Variants in REV1 observed in about 807,000 individuals in gnomAD.
REV1 encodes translesion synthesis protein REV1.
Under a neutral mutation model 137.4 loss-of-function variants are expected in REV1, and 42 were observed. The observed-to-expected ratio is 0.31, with a 90% confidence interval of 0.24 to 0.40. REV1 has a LOEUF of 0.40. REV1 is among the 10% of genes least tolerant of loss of function. The pLI is 1.00. For synonymous variants in REV1, 524 were observed against 519.2 expected (o/e 1.01, Z -0.12); for missense variants, 1,282 against 1,490.1 (o/e 0.86, Z 2.30).
intron 11 of REV1, among the ~76,000 whole-genome samples, chr2:99,420,730 G>A (rs1678549313): frequency 6.6e-6 from 1 of 152,204 alleles, no homozygotes; most frequent in African/African-American, 2.4e-5. Context: ...GAAGAAGAAG[G>A]GTTTTTGGAT....
At chr2:99,417,184 T>C (rs1197836225) in intron 12 of REV1, among the ~76,000 whole-genome samples, 1 of 152,090 alleles carries the variant, frequency 6.6e-6, no homozygotes, top group Non-Finnish European at 1.5e-5. Flanking sequence ...CTGTCACCCA[T>C]GCTGGAGTGC....
intron 11 of REV1, among the ~76,000 whole-genome samples, 160 bp from the exon 12 acceptor site, chr2:99,419,107 T>A (rs970485943): frequency 6.6e-6 from 1 of 152,164 alleles, no homozygotes; most frequent in Admixed American, 6.5e-5. Flanking sequence ...GTATTTAGAT[T>A]ATAACCAACA....
At chr2:99,416,241 G>A (rs1282633140) in intron 12 of REV1, among the ~76,000 whole-genome samples, 1 of 152,196 alleles carries the variant, frequency 6.6e-6, no homozygotes, top group African/African-American at 2.4e-5. Flanking sequence ...AAATATCTTT[G>A]AGAAATTACT....
chr2:99,482,697 T>G (rs1343585481), intron 1 of REV1, among the ~76,000 whole-genome samples: 1 of 152,198 alleles, frequency 6.6e-6, no homozygotes, highest in Non-Finnish European at 1.5e-5. Context: ...TTGCTTCGGC[T>G]GCACATACAC....
At chr2:99,473,646 T>A (rs776135554) in intron 1 of REV1, among the ~76,000 whole-genome samples, 2 of 152,228 alleles carry the variant, frequency 1.3e-5, no homozygotes, top group Non-Finnish European at 1.5e-5. Flanking sequence ...ATGTGTTTTT[T>A]TTACACCTTC....
At chr2:99,425,250 T>C (rs986991796) in intron 9 of REV1, among the ~76,000 whole-genome samples, 6 of 152,074 alleles carry the variant, frequency 3.9e-5, no homozygotes, top group Non-Finnish European at 7.4e-5. Flanking sequence ...ATCCAGACCA[T>C]GAGAGCCAAG....
At chr2:99,475,016 TG>T (rs1353398780) in intron 1 of REV1, among the ~76,000 whole-genome samples, 1 of 152,132 alleles carries the variant, frequency 6.6e-6, no homozygotes, top group Non-Finnish European at 1.5e-5. Flanking sequence ...CCTCCGTATG[TG>T]GAAAGAGTTG....
chr2:99,409,289 TTC>T (rs1369076016), intron 14 of REV1, among the ~76,000 whole-genome samples: 1 of 152,218 alleles, frequency 6.6e-6, no homozygotes, highest in African/African-American at 2.4e-5. Flanking sequence ...ACTTGGGAGT[TTC>T]TCTGTTTAAG....
rs776945135 is a variant in REV1, at chr2:99,402,730, A to T, written c.3455T>A (p.Val1152Glu). 10 of 1,614,186 alleles carry T rather than the reference A, an allele frequency of 6.2e-6. No individual in the cohort carries two copies. In the Admixed American group the frequency reaches 1.5e-4, roughly 24 times the overall value. ...AGCTAGATTGGGTGCTGGAGGTCTC[A>T]CACAGCCAGCTGGGTCAGACTGCAA... ...SSLQSDPAGC[V>E]RPPAPNLAGA... The change falls in exon 21 of 23, where the codon GTG (valine) becomes GAG (glutamate). Residue 1152 changes from valine to glutamate, a missense_variant. This residue lies in a region of REV1 where 170 missense variants were observed against 156.8 expected (regional missense o/e 1.08). Coordinates refer to ENST00000258428, the MANE Select transcript of REV1 (RefSeq NM_016316.4).
chr2:99,455,901 C>T (rs1326634619), intron 3 of REV1, among the ~76,000 whole-genome samples: 2 of 152,146 alleles, frequency 1.3e-5, no homozygotes, highest in Non-Finnish European at 2.9e-5. Context: ...CCTCCACCTG[C>T]TTTTTCACAA....
intron 11 of REV1, among the ~76,000 whole-genome samples, chr2:99,420,824 A>G (rs903053082): frequency 5.9e-5 from 9 of 152,224 alleles, no homozygotes; most frequent in Non-Finnish European, 1.2e-4. Context: ...TATACTGAGT[A>G]TGGCAGGGAC....
intron 1 of REV1, among the ~76,000 whole-genome samples, chr2:99,471,322 A>G (rs1358627868): frequency 5.9e-5 from 9 of 152,244 alleles, no homozygotes; most frequent in Non-Finnish European, 4.4e-5. Flanking sequence ...GAACCTCTTC[A>G]TGACCATTCA....
chr2:99,448,930 GTTGT>G (rs932751836), intron 4 of REV1, among the ~76,000 whole-genome samples: 25 of 152,172 alleles, frequency 1.6e-4, no homozygotes, highest in Admixed American at 6.5e-4. Context: ...AAACGGTAGT[GTTGT>G]TTAAGACATT....
At position 99,435,850 on chromosome 2, in the gene REV1, A is replaced by G; in HGVS notation, c.1305T>C (p.Asn435=). The G allele has an allele frequency of 1.3e-6, 2 of 1,582,580 alleles. No individual in the cohort carries two copies. The highest frequency in any genetic ancestry group is 1.7e-6 in the Non-Finnish European group (2 of 1,153,356). The change falls in exon 7 of 23, where the codon AAT becomes AAC. Residue 435 remains asparagine (N), a synonymous_variant. Transcript: ENST00000258428. Reference sequence around the variant, plus strand: ...AATACAGACCTTTGAGATCTGGTCTATTTCGTATACCCACTGATACAAAGA... The same window carrying G: ...AATACAGACCTTTGAGATCTGGTCTGTTTCGTATACCCACTGATACAAAGA... ...DCFFVSVGIR[N]RPDLKGKPVA...
chr2:99,424,966 G>A (rs1229487179), intron 9 of REV1: 3 of 1,092,944 alleles, frequency 2.7e-6, no homozygotes, highest in African/African-American at 3.3e-5. Context: ...GACATTTGGA[G>A]CATTCACCAC....
At chr2:99,412,259 A>C (rs1226719315) in intron 13 of REV1, among the ~76,000 whole-genome samples, 1 of 48,820 alleles carries the variant, frequency 2.0e-5, no homozygotes. Context: ...CTCCATCTCA[A>C]AAAAAAAAAA....
rs565143481 is a variant in REV1 at position 99,429,968 on chromosome 2, T to G, written c.1439-20A>C. 1.4e-6 allele frequency: 2 copies of G among 1,422,298 alleles called. No individual in the cohort carries two copies. The highest frequency in any genetic ancestry group is 9.6e-7 in the Non-Finnish European group (1 of 1,036,592). The allele number at this position is 1,422,298 out of a possible 1,614,324, so 88.1% of individuals were successfully genotyped here. A position where few individuals can be genotyped will look rare whatever the true frequency, so the allele number is the denominator to read the frequency against. On this transcript the variant is annotated intron_variant, in intron 8 of 22. Transcript: ENST00000258428. The stretch of plus-strand genomic sequence containing the variant: ...TATCTGCTTTAAAAATAAAAAAAAA[T>G]TAATGGTTATATGTTATAAACTGAT...
chr2:99,401,097 T>A lies in REV1; in HGVS notation c.*144A>T, dbSNP rs1249056908. The A allele has an allele frequency of 2.0e-6, 1 of 500,774 alleles. No homozygotes were observed. The highest frequency in any genetic ancestry group is 3.0e-5 in the East Asian group (1 of 32,920). 31.0% of individuals were successfully genotyped at this position (500,774 alleles called of 1,614,324 possible). ...ATGCAATACTGACAAATTTGGCACTTTTTGAAAAGAAATGTACAAAACACT... is the reference window on the plus strand; with the variant it reads ...ATGCAATACTGACAAATTTGGCACTATTTGAAAAGAAATGTACAAAACACT... On this transcript the variant is annotated 3_prime_UTR_variant, in exon 23 of 23. Coordinates refer to ENST00000258428, the MANE Select transcript of REV1 (RefSeq NM_016316.4).
chr2:99,437,981 T>C (rs1198112750), intron 6 of REV1, among the ~76,000 whole-genome samples: 1 of 151,998 alleles, frequency 6.6e-6, no homozygotes, highest in Non-Finnish European at 1.5e-5. Context: ...TCTCTCCCCA[T>C]AAAAAAATCC....
Sources: allele counts gnomAD v4.1 joint callset (sites outside exome capture counted in the v4.1 genomes callset), GRCh38; gene constraint gnomAD v4.1.1; regional missense constraint gnomAD v4.1.1; transcripts MANE v1.5; gene names NCBI Gene and HGNC (gene_info 2026-07-23, HGNC 2026-07-21).